Variants in PRPF18 observed in about 807,000 individuals in gnomAD.
The protein encoded by PRPF18 is pre-mRNA-splicing factor 18.
Under a neutral mutation model 46.5 loss-of-function variants are expected in PRPF18, and 38 were observed. The observed-to-expected ratio is 0.82, with a 90% CI of 0.63 to 1.07. The LOEUF (loss-of-function observed/expected upper bound fraction) is 1.07. Ranked by LOEUF, PRPF18 falls within the 50% of genes least tolerant of loss-of-function variation. PRPF18 has a pLI of 0.00. For synonymous variants in PRPF18, 152 were observed against 146.7 expected, an observed-to-expected ratio of 1.04 and a Z score of -0.26; for missense variants, 263 against 410.0, an observed-to-expected ratio of 0.64 and a Z score of 3.10.
intron 8 of PRPF18, 77 bp downstream of exon 8, chr10:13,614,163 TAGG>T: frequency 3.5e-6 from 4 of 1,135,556 alleles, no homozygotes; most frequent in East Asian, 2.5e-5. Flanking sequence ...TCATTTGGGA[TAGG>T]AGGATTTTAC....
At chr10:13,592,034 G>A in intron 1 of PRPF18, 12 of 607,038 alleles carry the variant, frequency 2.0e-5, no homozygotes, top group South Asian at 1.9e-4. Context: ...TACCATTCTT[G>A]TCACCACCAA....
At chr10:13,618,319 G>C (rs771375229) in intron 9 of PRPF18, among the ~76,000 whole-genome samples, 19 of 152,004 alleles carry the variant, frequency 1.2e-4, no homozygotes, top group South Asian at 2.1e-4. Flanking sequence ...CTTATAATTT[G>C]GGCAGTGGAT....
At chr10:13,598,259 G>A (rs1010167190) in intron 2 of PRPF18, among the ~76,000 whole-genome samples, 21 of 152,096 alleles carry the variant, frequency 1.4e-4, no homozygotes, top group African/African-American at 4.1e-4. Context: ...GAGAAGTTAC[G>A]TTTAAATTAT....
At chr10:13,633,753 A>C (rs1484796336), downstream of PRPF18, among the ~76,000 whole-genome samples, 4 of 152,170 alleles carry the variant, frequency 2.6e-5, no homozygotes, top group African/African-American at 9.7e-5. Flanking sequence ...TACTCCCATG[A>C]AGCCCCTAAA....
At chr10:13,648,075 A>G in the PRPF18 span, 6 of 152,188 alleles carry the variant, frequency 3.9e-5, no homozygotes, top group Non-Finnish European at 5.9e-5. Flanking sequence ...TCATTTGCTA[A>G]CCTCTCTAGG....
chr10:13,637,950 A>G, the PRPF18 span: 1 of 152,214 alleles, frequency 6.6e-6, no homozygotes, highest in African/African-American at 2.4e-5. Context: ...TGTAGACACT[A>G]CTAGTTACTT....
downstream of PRPF18, among the ~76,000 whole-genome samples, chr10:13,635,004 G>A (rs946765872): frequency 1.3e-5 from 2 of 152,124 alleles, no homozygotes; most frequent in African/African-American, 4.8e-5. Context: ...CGGATATTAA[G>A]CCCGGCATCC....
At chr10:13,637,627 C>A in the PRPF18 span, among the ~76,000 whole-genome samples, 5 of 152,106 alleles carry the variant, frequency 3.3e-5, no homozygotes, top group Middle Eastern at 3.2e-3. Context: ...CCCTTTGTGC[C>A]AGGTTACCTT....
intron 1 of PRPF18, among the ~76,000 whole-genome samples, chr10:13,594,350 CCA>C (rs1276749029): frequency 5.3e-5 from 8 of 152,292 alleles, no homozygotes; most frequent in African/African-American, 1.9e-4. Context: ...GAAAATTCAT[CCA>C]CAGATAAGTA....
chr10:13,634,573 G>A (rs1217174184), downstream of PRPF18, among the ~76,000 whole-genome samples: 3 of 152,216 alleles, frequency 2.0e-5, no homozygotes, highest in South Asian at 2.1e-4. Flanking sequence ...AACCATGAGC[G>A]TTGCAGTCTG....
the PRPF18 span, chr10:13,653,037 T>A: frequency 1.3e-5 from 2 of 151,980 alleles, no homozygotes; most frequent in East Asian, 3.9e-4. Flanking sequence ...CTGAGCCTCA[T>A]CTATGAAACG....
At chr10:13,642,603 A>C in the PRPF18 span, 1 of 152,234 alleles carries the variant, frequency 6.6e-6, no homozygotes, top group Non-Finnish European at 1.5e-5. Flanking sequence ...AGTGGGAAAG[A>C]AATGGGAAGA....
the PRPF18 span, chr10:13,654,519 G>A: frequency 6.3e-7 from 1 of 1,589,140 alleles, no homozygotes; most frequent in African/African-American, 1.3e-5. Flanking sequence ...GCAGCTACAT[G>A]CAGGTGGTGC....
At chr10:13,648,975 C>G in the PRPF18 span, among the ~76,000 whole-genome samples, 647 of 151,746 alleles carry the variant, frequency 4.3e-3, 4 homozygotes, top group African/African-American at 0.015. Context: ...TTTCAGAGGC[C>G]TGAAATGTAA....
chr10:13,630,293 C>T lies in PRPF18; in HGVS notation c.982C>T (p.His328Tyr), dbSNP rs893630569. The T allele has an allele frequency of 1.2e-6, 2 of 1,612,702 alleles. No homozygotes were observed. Among genetic ancestry groups the T allele is most frequent in the Non-Finnish European group, 1.7e-6 (2 of 1,178,730 alleles). ...GAGGTTAATGACCATTTGCCAGAAA[C>T]ACTTTCCTACAGACCCATCCAAATG... ...LKRLMTICQK[H>Y]FPTDPSKCVE... Residue 328 changes from histidine to tyrosine, a missense_variant, in exon 10 of 10, where the codon CAC (histidine) becomes TAC (tyrosine). Coordinates refer to ENST00000378572, the MANE Select transcript of PRPF18 (RefSeq NM_003675.4).
chr10:13,653,628 G>A, the PRPF18 span, among the ~76,000 whole-genome samples: 1 of 152,186 alleles, frequency 6.6e-6, no homozygotes, highest in African/African-American at 2.4e-5. Flanking sequence ...ACCAAACCAG[G>A]AACCAGACAA....
intron 9 of PRPF18, among the ~76,000 whole-genome samples, chr10:13,623,688 G>GTAGTTTGGTTTGGTT (rs66501629): frequency 4.0e-5 from 6 of 151,466 alleles, no homozygotes; most frequent in African/African-American, 1.2e-4. Context: ...AATTGTGATT[G>GTAGTTTGGTTTGGTT]TGGTTTGGTT....
At chr10:13,632,351 C>CA (rs969103688), downstream of PRPF18, among the ~76,000 whole-genome samples, 16 of 149,842 alleles carry the variant, frequency 1.1e-4, no homozygotes, top group East Asian at 9.8e-4. Flanking sequence ...CTCCCCCCCG[C>CA]AAAAAAAAAT....
rs1218953470 is a variant in PRPF18 at position 13,613,806 on chromosome 10, G to C, written c.645G>C (p.Gln215His). The C allele has an allele frequency of 6.2e-7, 1 of 1,614,074 alleles. No homozygotes were observed. The highest frequency in any genetic ancestry group is 1.3e-5 in the African/African-American group (1 of 75,050). Residue 215 changes from glutamine to histidine, a missense_variant, in exon 7 of 10, where the codon CAG becomes CAC. By Grantham distance (24) the Gln-to-His change is conservative (BLOSUM62 0). Coordinates refer to ENST00000378572, the MANE Select transcript of PRPF18 (RefSeq NM_003675.4). ...AREDYVKRSV[Q>H]GKLNSATQKQ... Reference sequence around the variant, plus strand: ...AAGATTATGTGAAACGCAGTGTGCAGGGTAAACTGAACAGTGCGACCCAGA... The same window carrying C: ...AAGATTATGTGAAACGCAGTGTGCACGGTAAACTGAACAGTGCGACCCAGA...
Sources: gnomAD v4.1 joint callset for allele counts (sites outside exome capture counted in the v4.1 genomes callset) on GRCh38, gnomAD v4.1.1 for gene constraint, MANE v1.5 for transcripts, NCBI Gene and HGNC (gene_info 2026-07-23, HGNC 2026-07-21) for gene names.